The following TMEM132C variants were observed in gnomAD, a reference collection of about 807,000 sequenced individuals.
The protein encoded by TMEM132C is protein phosphatase 1, regulatory subunit 152.
In TMEM132C, 29 loss-of-function variants were observed where a neutral mutation model predicts 61.4. The observed-to-expected ratio is 0.47, with a 90% CI of 0.35 to 0.64. The LOEUF is 0.64. Ranked by LOEUF, TMEM132C falls within the 30% of genes least tolerant of loss-of-function variation. TMEM132C has a pLI of 0.00. For synonymous variants in TMEM132C, 656 were observed against 633.1 expected (o/e 1.04, Z -0.54); for missense variants, 1,408 against 1,476.9 (o/e 0.95, Z 0.76).
intron 1 of TMEM132C, among the ~76,000 whole-genome samples, chr12:128,272,155 T>C (rs1279302431): frequency 6.6e-6 from 1 of 152,240 alleles, no homozygotes; most frequent in Non-Finnish European, 1.5e-5. Flanking sequence ...TGCCCATTAC[T>C]CTCCAAAATT....
chr12:128,508,798 G>T (rs1872471146), intron 2 of TMEM132C, among the ~76,000 whole-genome samples: 1 of 152,326 alleles, frequency 6.6e-6, no homozygotes, highest in African/African-American at 2.4e-5. Flanking sequence ...CAGCTGCTCA[G>T]CTTCCAGGGC....
chr12:128,449,564 C>T (rs1870112677), intron 2 of TMEM132C, among the ~76,000 whole-genome samples: 1 of 152,186 alleles, frequency 6.6e-6, no homozygotes, highest in African/African-American at 2.4e-5. Flanking sequence ...GAAACCTCAT[C>T]CTTGTCTGAT....
intron 1 of TMEM132C, among the ~76,000 whole-genome samples, chr12:128,323,725 G>C (rs940541575): frequency 6.6e-6 from 1 of 152,200 alleles, no homozygotes; most frequent in Non-Finnish European, 1.5e-5. Context: ...TAATTCCCTT[G>C]CAAGACACCG....
chr12:128,706,160 G>A lies in TMEM132C; in HGVS notation c.3192G>A (p.Pro1064=), dbSNP rs761897971. The A allele has an allele frequency of 1.7e-4, 266 of 1,551,578 alleles. No homozygotes were observed. Among genetic ancestry groups the A allele is most frequent in the Middle Eastern group, 3.3e-4 (2 of 6,014 alleles). ...TTACCACCTTTACCACCATCCCCCCGGACGACAGCTGCCCCACGGTGAACT... is the reference window on the plus strand; with the variant it reads ...TTACCACCTTTACCACCATCCCCCCAGACGACAGCTGCCCCACGGTGAACT... ...VKFTTFTTIP[P]DDSCPTVNSI... is the part of the protein sequence containing the mutation. Residue 1064 remains proline (P), a synonymous_variant, in exon 9 of 9, where the codon CCG becomes CCA. Transcript: ENST00000435159.
intron 5 of TMEM132C, among the ~76,000 whole-genome samples, chr12:128,680,154 TTTTAC>T (rs1954622900): frequency 6.6e-6 from 1 of 152,212 alleles, no homozygotes; most frequent in Non-Finnish European, 1.5e-5. Context: ...CAGAATTTTG[TTTTAC>T]TCTCAGAGCA....
chr12:128,540,125 A>G (rs1873683583), intron 2 of TMEM132C, among the ~76,000 whole-genome samples: 1 of 151,996 alleles, frequency 6.6e-6, no homozygotes, highest in African/African-American at 2.4e-5. Context: ...CCATTTTGCT[A>G]TATTTTTAAT....
chr12:128,674,130 G>C (rs776081819), intron 5 of TMEM132C, among the ~76,000 whole-genome samples: 1 of 152,150 alleles, frequency 6.6e-6, no homozygotes, highest in Non-Finnish European at 1.5e-5. Flanking sequence ...TCCCATCCCT[G>C]GCCCCTGGCA....
intron 1 of TMEM132C, among the ~76,000 whole-genome samples, chr12:128,333,392 A>C (rs895837874): frequency 1.3e-5 from 2 of 151,822 alleles, no homozygotes; most frequent in African/African-American, 4.8e-5. Flanking sequence ...GAGAGTATGT[A>C]TATGCATGTA....
At position 128,573,364 on chromosome 12, in the gene TMEM132C, A is replaced by T. The variant is rs1231817684; in HGVS notation, c.1121+29261A>T. On this transcript the variant is annotated intron_variant, in intron 3 of 8. Transcript: ENST00000435159. ...AACTATCACAAGGACAGAAAACCAAACACTGCATGTTCTCACTCATAGGTG... is the reference window on the plus strand; with the variant it reads ...AACTATCACAAGGACAGAAAACCAATCACTGCATGTTCTCACTCATAGGTG... Among the ~76,000 whole-genome samples, 3 of 151,968 alleles carry T rather than the reference A, an allele frequency of 2.0e-5. No individual in the cohort carries two copies. In the East Asian group the frequency reaches 5.8e-4, roughly 29 times the overall value.
intron 2 of TMEM132C, among the ~76,000 whole-genome samples, chr12:128,442,790 G>A (rs1357483537): frequency 1.3e-5 from 2 of 152,086 alleles, no homozygotes; most frequent in African/African-American, 2.4e-5. Flanking sequence ...CTGTATTCAC[G>A]ATGTTGTGCA....
chr12:128,500,790 A>T (rs1293634197), intron 2 of TMEM132C, among the ~76,000 whole-genome samples: 1 of 152,230 alleles, frequency 6.6e-6, no homozygotes, highest in South Asian at 2.1e-4. Flanking sequence ...AAAGTTAAAC[A>T]TAGAATTATC....
At chr12:128,478,048 A>T (rs1192542878) in intron 2 of TMEM132C, among the ~76,000 whole-genome samples, 1 of 152,230 alleles carries the variant, frequency 6.6e-6, no homozygotes, top group African/African-American at 2.4e-5. Flanking sequence ...TAGTCCTACA[A>T]GCTCAAGTCC....
At position 128,640,095 on chromosome 12, in the gene TMEM132C, G is replaced by A. The variant is rs113810450; in HGVS notation, c.1305+23760G>A. On this transcript the variant is annotated intron_variant, in intron 4 of 8. Transcript: ENST00000435159. ...CATCCCTGCTAGCTTTGGATCAGGCGTGGGCTGGGGTTTACAATAATTTCT... is the reference window on the plus strand; with the variant it reads ...CATCCCTGCTAGCTTTGGATCAGGCATGGGCTGGGGTTTACAATAATTTCT... Among the ~76,000 whole-genome samples, 592 of 152,312 alleles carry A rather than the reference G, an allele frequency of 3.9e-3. 2 individuals carry two copies. Among genetic ancestry groups the A allele is most frequent in the African/African-American group, 0.013 (554 of 41,576 alleles).
At chr12:128,689,566 A>G (rs1954703414) in intron 5 of TMEM132C, among the ~76,000 whole-genome samples, 2 of 152,146 alleles carry the variant, frequency 1.3e-5, no homozygotes, top group Non-Finnish European at 2.9e-5. Context: ...GTGCCCTGAG[A>G]TGCACAAAAA....
intron 1 of TMEM132C, among the ~76,000 whole-genome samples, chr12:128,382,529 G>A (rs1874435274): frequency 6.6e-6 from 1 of 152,150 alleles, no homozygotes; most frequent in South Asian, 2.1e-4. Context: ...TTGGATGGTA[G>A]CACAGCTCTA....
intron 2 of TMEM132C, among the ~76,000 whole-genome samples, chr12:128,427,426 GTGTA>G (rs1365230006): frequency 1.4e-5 from 2 of 142,290 alleles, no homozygotes; most frequent in African/African-American, 5.6e-5. Flanking sequence ...GTGTGTGTGT[GTGTA>G]TATATATTTA....
chr12:128,333,138 A>T (rs1872702897), intron 1 of TMEM132C, among the ~76,000 whole-genome samples: 1 of 151,082 alleles, frequency 6.6e-6, no homozygotes, highest in Non-Finnish European at 1.5e-5. Context: ...TTTTATGTGT[A>T]TGTGTGTGCA....
chr12:128,308,085 G>A (rs1871843315), intron 1 of TMEM132C, among the ~76,000 whole-genome samples: 1 of 152,144 alleles, frequency 6.6e-6, no homozygotes, highest in African/African-American at 2.4e-5. Flanking sequence ...AGGAAACAGT[G>A]CTTCTCTTTA....
At chr12:128,676,074 A>G (rs1409673582) in intron 5 of TMEM132C, among the ~76,000 whole-genome samples, 2 of 152,072 alleles carry the variant, frequency 1.3e-5, no homozygotes, top group African/African-American at 2.4e-5. Context: ...CTGTTTTCCA[A>G]TTTTGTCAGT....
Sources: gnomAD v4.1 joint callset for allele counts (sites outside exome capture counted in the v4.1 genomes callset) on GRCh38, gnomAD v4.1.1 for gene constraint, MANE v1.5 for transcripts, NCBI Gene and HGNC (gene_info 2026-07-23, HGNC 2026-07-21) for gene names.